SPDYE14: variants seen among roughly 807,000 people sequenced by gnomAD.
SPDYE14 encodes the protein speedy protein E14.
At chr7:75,272,885 CAA>C in the SPDYE14 span, among the ~76,000 whole-genome samples, 2 of 24,172 alleles carry the variant, frequency 8.3e-5, no homozygotes, top group Non-Finnish European at 1.2e-4. Context: ...AACTGTGTCT[CAA>C]AAAAAAAAAA....
At chr7:75,273,365 C>T in the SPDYE14 span, among the ~76,000 whole-genome samples, 9 of 60,210 alleles carry the variant, frequency 1.5e-4, 3 homozygotes, top group African/African-American at 3.6e-4. Context: ...GGTGAAACCC[C>T]GTCTCCACTA....
the SPDYE14 span, chr7:75,237,676 G>T: frequency 7.8e-3 from 768 of 98,638 alleles, no homozygotes; most frequent in African/African-American, 0.022. Context: ...CGCCCGGCGC[G>T]GGGAGCAGCT....
the SPDYE14 span, among the ~76,000 whole-genome samples, chr7:75,262,436 C>A: frequency 2.2e-5 from 1 of 46,182 alleles, no homozygotes; most frequent in Non-Finnish European, 4.9e-5. Flanking sequence ...GTCTTGAACT[C>A]TTGGGCTCAA....
the SPDYE14 span, among the ~76,000 whole-genome samples, chr7:75,275,573 C>G: frequency 2.0e-5 from 1 of 48,876 alleles, no homozygotes; most frequent in Non-Finnish European, 5.3e-5. Context: ...ATCTCAAGTA[C>G]CCAGGGACAC....
chr7:75,251,510 CTGTGTGTGTGTGTG>C, the SPDYE14 span, among the ~76,000 whole-genome samples: 95 of 55,320 alleles, frequency 1.7e-3, no homozygotes, highest in Admixed American at 2.7e-3. Flanking sequence ...CTAATTTTGT[CTGTGTGTGTGTGTG>C]TGTGTGTGTG....
chr7:75,250,706 CT>C, the SPDYE14 span, among the ~76,000 whole-genome samples: 11 of 1,440 alleles, frequency 7.6e-3, 1 homozygote, highest in African/African-American at 0.014. Context: ...TTTTTCTTTT[CT>C]TTTTTTTTTC....
chr7:75,264,431 A>G, the SPDYE14 span, among the ~76,000 whole-genome samples: 1 of 35,248 alleles, frequency 2.8e-5, no homozygotes, highest in African/African-American at 6.4e-5. Context: ...TATAACTGGT[A>G]TCATATTGTA....
the SPDYE14 span, among the ~76,000 whole-genome samples, chr7:75,273,670 G>C: frequency 3.3e-5 from 2 of 60,726 alleles, 1 homozygote; most frequent in African/African-American, 7.8e-5. Flanking sequence ...CTTCTCGAAA[G>C]GCTGCTAATC....
chr7:75,257,768 T>C, the SPDYE14 span, among the ~76,000 whole-genome samples: 12 of 34,328 alleles, frequency 3.5e-4, no homozygotes, highest in Admixed American at 9.5e-4. Flanking sequence ...CCTCTTCTCC[T>C]CTCCTCCCCA....
At chr7:75,261,099 T>C in the SPDYE14 span, among the ~76,000 whole-genome samples, 1 of 92,532 alleles carries the variant, frequency 1.1e-5, no homozygotes, top group Non-Finnish European at 2.6e-5. Context: ...CACTCCAGCC[T>C]GGGTGACGAG....
the SPDYE14 span, among the ~76,000 whole-genome samples, chr7:75,279,019 C>CATGAATA: frequency 5.4e-4 from 64 of 118,990 alleles, 7 homozygotes; most frequent in East Asian, 0.013. Context: ...AGATCAGTGT[C>CATGAATA]ATGAATACTC....
At chr7:75,265,331 A>G in the SPDYE14 span, among the ~76,000 whole-genome samples, 4 of 77,710 alleles carry the variant, frequency 5.1e-5, no homozygotes, top group Non-Finnish European at 1.0e-4. Flanking sequence ...ATAATCTCAA[A>G]CTCCTGACCT....
At chr7:75,266,001 GA>G in the SPDYE14 span, among the ~76,000 whole-genome samples, 3 of 72,526 alleles carry the variant, frequency 4.1e-5, no homozygotes, top group Non-Finnish European at 5.6e-5. Flanking sequence ...GAAAAAAAAA[GA>G]AAAAAAATTC....
At chr7:75,241,611 G>A in the SPDYE14 span, among the ~76,000 whole-genome samples, 1 of 17,446 alleles carries the variant, frequency 5.7e-5, no homozygotes, top group African/African-American at 1.4e-4. Context: ...GTGCCTGTGT[G>A]TGTCTGCCTA....
chr7:75,268,729 A>G, the SPDYE14 span, among the ~76,000 whole-genome samples: 1 of 62,880 alleles, frequency 1.6e-5, no homozygotes, highest in South Asian at 6.5e-4. Flanking sequence ...AAAACAAAAA[A>G]ACAAAAAAAC....
the SPDYE14 span, among the ~76,000 whole-genome samples, chr7:75,272,602 C>T: frequency 4.2e-3 from 216 of 50,990 alleles, 69 homozygotes; most frequent in African/African-American, 9.9e-3. Flanking sequence ...AATCTCATGC[C>T]GAGACCAGGC....
the SPDYE14 span, among the ~76,000 whole-genome samples, chr7:75,257,387 G>A: frequency 1.7e-5 from 1 of 59,552 alleles, no homozygotes; most frequent in Non-Finnish European, 3.7e-5. Flanking sequence ...GACTTATGAA[G>A]GAGGAAAGGA....
At chr7:75,278,942 CA>C in the SPDYE14 span, among the ~76,000 whole-genome samples, 203 of 41,470 alleles carry the variant, frequency 4.9e-3, 11 homozygotes, top group Non-Finnish European at 5.4e-3. Flanking sequence ...ACTCTGTTTC[CA>C]AAAAAAAAAA....
the SPDYE14 span, among the ~76,000 whole-genome samples, chr7:75,247,428 A>G: frequency 1.6e-5 from 1 of 61,526 alleles, no homozygotes; most frequent in Admixed American, 2.6e-4. Flanking sequence ...GAAAAGATGA[A>G]AGAGAGAGAG....
Sources: gnomAD v4.1 joint callset for allele counts (sites outside exome capture counted in the v4.1 genomes callset) on GRCh38, gnomAD v4.1.1 for gene constraint, MANE v1.5 for transcripts, NCBI Gene and HGNC (gene_info 2026-07-23, HGNC 2026-07-21) for gene names.